Variants in CAPN3 observed in about 807,000 individuals in gnomAD.
The protein encoded by CAPN3 is calpain 3.
Under a neutral mutation model 114.0 loss-of-function variants are expected in CAPN3, and 88 were observed. The observed-to-expected ratio is 0.77, with a 90% CI of 0.65 to 0.92. The LOEUF (loss-of-function observed/expected upper bound fraction) is 0.92, where lower values mean the gene tolerates loss of function less well. Among genes scored for constraint, CAPN3 ranks in the 40% least tolerant of loss-of-function variants. CAPN3 has a pLI of 0.00. For missense variants in CAPN3, 1,028 were observed against 1,069.0 expected, an observed-to-expected ratio of 0.96 and a Z score of 0.53; for synonymous variants, 386 against 382.9, an observed-to-expected ratio of 1.01 and a Z score of -0.09.
intron 4 of CAPN3, among the ~76,000 whole-genome samples, chr15:42,388,455 A>G (rs2053461570): frequency 6.6e-6 from 1 of 152,122 alleles, no homozygotes; most frequent in Non-Finnish European, 1.5e-5. Flanking sequence ...ACATGCGGGC[A>G]TCACCATGCC....
Position 42,405,457 on chromosome 15 carries a change from C to T in CAPN3, c.1783-469C>T, listed in dbSNP as rs139708260. Among the ~76,000 whole-genome samples, 32 of 152,228 alleles carry T rather than the reference C, an allele frequency of 2.1e-4. No homozygotes were observed. In the East Asian group the frequency reaches 6.2e-3, roughly 29 times the overall value. The stretch of plus-strand genomic sequence containing the variant: ...TCCTGAGTAGCTGAGATTACAGGTG[C>T]CCACCATCACGCCTGGATAATTTTT... On this transcript the variant is annotated intron_variant, in intron 14 of 23. Coordinates refer to ENST00000397163, the MANE Select transcript of CAPN3 (RefSeq NM_000070.3).
At chr15:42,374,700 A>C (rs558272180) in intron 1 of CAPN3, among the ~76,000 whole-genome samples, 12 of 151,594 alleles carry the variant, frequency 7.9e-5, no homozygotes, top group African/African-American at 2.7e-4. Flanking sequence ...GTTATTTTCT[A>C]TTCCTGAGCT....
At chr15:42,397,487 CA>C (rs964869157) in intron 9 of CAPN3, among the ~76,000 whole-genome samples, 6 of 151,890 alleles carry the variant, frequency 4.0e-5, no homozygotes, top group African/African-American at 9.7e-5. Flanking sequence ...TAAAAATACA[CA>C]AAAAAAGTAG....
chr15:42,404,570 C>T (rs975032203), intron 14 of CAPN3, among the ~76,000 whole-genome samples: 1 of 152,232 alleles, frequency 6.6e-6, no homozygotes, highest in Non-Finnish European at 1.5e-5. Context: ...CGCACCTCCA[C>T]GCTGAGGCCA....
At chr15:42,380,751 A>ATTTTTTTT (rs59923448) in intron 1 of CAPN3, among the ~76,000 whole-genome samples, 5 of 64,484 alleles carry the variant, frequency 7.8e-5, no homozygotes, top group South Asian at 6.4e-4. Flanking sequence ...ATATATATAT[A>ATTTTTTTT]TTTTTTTTTT....
At chr15:42,405,881 T>A (rs986001512) in intron 14 of CAPN3, 45 bp from the exon 15 acceptor site, 9 of 1,562,578 alleles carry the variant, frequency 5.8e-6, no homozygotes, top group African/African-American at 1.4e-5. Flanking sequence ...TCTGAGAACT[T>A]ACTTTTCACT....
chr15:42,407,714 C>A (rs971561332), intron 15 of CAPN3, among the ~76,000 whole-genome samples: 4 of 152,180 alleles, frequency 2.6e-5, no homozygotes, highest in African/African-American at 9.7e-5. Flanking sequence ...GCCACTAATC[C>A]GTGTCCTTTT....
At chr15:42,365,483 G>C (rs1411265110) in intron 1 of CAPN3, among the ~76,000 whole-genome samples, 3 of 152,028 alleles carry the variant, frequency 2.0e-5, no homozygotes, top group Admixed American at 2.0e-4. Flanking sequence ...ATTTGCTGTT[G>C]GGAGTTGGGG....
At position 42,411,761 on chromosome 15, in the gene CAPN3, C is replaced by A; in HGVS notation, c.2454C>A (p.Thr818=). 6.2e-7 allele frequency: 1 copy of A among 1,605,354 alleles called. No homozygotes were observed. The highest frequency in any genetic ancestry group is 8.5e-7 in the Non-Finnish European group (1 of 1,173,528). ...KLNVLEWLQL[T]MYA is the part of the protein sequence containing the mutation. ...ACTTCTTTCAGTGGCTGCAGCTCAC[C>A]ATGTATGCCTGAACCAGGCTGGCCT... Residue 818 remains threonine (T), a synonymous_variant, in exon 24 of 24, where the codon ACC becomes ACA. Coordinates refer to ENST00000397163, the MANE Select transcript of CAPN3 (RefSeq NM_000070.3).
At chr15:42,408,458 CCTTTT>C in intron 16 of CAPN3, 134 bp downstream of exon 16, 1 of 674,408 alleles carries the variant, frequency 1.5e-6, no homozygotes, top group Non-Finnish European at 2.8e-6. Flanking sequence ...GTCCCACTGA[CCTTTT>C]CTTTCAGCAA....
intron 19 of CAPN3, 38 bp downstream of exon 19, chr15:42,410,033 C>T (rs1451098679): frequency 1.3e-6 from 2 of 1,593,910 alleles, no homozygotes; most frequent in Non-Finnish European, 1.7e-6. Context: ...CCTCTGTCAT[C>T]AGCCCACGGG....
chr15:42,373,236 T>C (rs556199094), intron 1 of CAPN3, among the ~76,000 whole-genome samples: 4 of 152,250 alleles, frequency 2.6e-5, no homozygotes, highest in African/African-American at 7.2e-5. Context: ...TTTTCAACTT[T>C]AGTGGACATA....
chr15:42,385,254 A>G (rs1402065170), intron 2 of CAPN3, among the ~76,000 whole-genome samples: 1 of 152,202 alleles, frequency 6.6e-6, no homozygotes, highest in Non-Finnish European at 1.5e-5. Context: ...ATTTCATTCC[A>G]GAAGGGGAGG....
chr15:42,385,638 A>C, intron 2 of CAPN3: 1 of 516,290 alleles, frequency 1.9e-6, no homozygotes, highest in Non-Finnish European at 3.9e-6. Flanking sequence ...AAACGTCCCG[A>C]GCTCATTCCG....
chr15:42,389,020 G>A lies in CAPN3; in HGVS notation c.725G>A (p.Arg242Lys), dbSNP rs146253209. 3.2e-5 allele frequency: 51 copies of A among 1,613,932 alleles called. No individual in the cohort carries two copies. The African/African-American group carries it at 6.3e-4, about 20-fold the overall frequency. ...TGGVAEFFEI[R>K]DAPSDMYKIM... ...GGGGTGGCAGAGTTTTTTGAGATCA[G>A]GGATGCTCCTAGTGACATGTACAAG... The change falls in exon 5 of 24, where the codon AGG (arginine) becomes AAG (lysine). Residue 242 changes from arginine to lysine, a missense_variant. By Grantham distance (26) the Arg-to-Lys change is conservative (BLOSUM62 2). Coordinates refer to ENST00000397163, the MANE Select transcript of CAPN3 (RefSeq NM_000070.3).
At position 42,369,712 on chromosome 15, in the gene CAPN3, A is replaced by G. The variant is rs1239430072; in HGVS notation, c.309+9598A>G. Reference sequence around the variant, plus strand: ...ACAAAATGTGCCACGCCCATCTTGTACATTTGTTGCCCCACAACTGGAATG... The same window carrying G: ...ACAAAATGTGCCACGCCCATCTTGTGCATTTGTTGCCCCACAACTGGAATG... On this transcript the variant is annotated intron_variant, in intron 1 of 23. Coordinates refer to ENST00000397163, the MANE Select transcript of CAPN3 (RefSeq NM_000070.3). Among the ~76,000 whole-genome samples, 4 of 152,112 alleles carry G rather than the reference A, an allele frequency of 2.6e-5. No homozygotes were observed. In the East Asian group the frequency reaches 7.7e-4, roughly 29 times the overall value.
intron 6 of CAPN3, 48 bp downstream of exon 6, chr15:42,390,144 T>C (rs750271830): frequency 2.5e-6 from 4 of 1,609,962 alleles, no homozygotes; most frequent in Middle Eastern, 1.7e-4. Flanking sequence ...CCAACCCACA[T>C]GACCCCGCCC....
At chr15:42,392,791 C>A in intron 7 of CAPN3, 69 bp downstream of exon 7, 1 of 1,332,274 alleles carries the variant, frequency 7.5e-7, no homozygotes, top group Non-Finnish European at 1.1e-6. Flanking sequence ...CAGGACTTAG[C>A]TGTTGGGGCC....
intron 1 of CAPN3, among the ~76,000 whole-genome samples, chr15:42,372,976 G>A (rs2052992712): frequency 6.6e-6 from 1 of 152,022 alleles, no homozygotes; most frequent in Non-Finnish European, 1.5e-5. Context: ...ATCACCTGAG[G>A]TCAGGAGTTC....
Sources: allele counts gnomAD v4.1 joint callset (sites outside exome capture counted in the v4.1 genomes callset), GRCh38; gene constraint gnomAD v4.1.1; transcripts MANE v1.5; gene names NCBI Gene and HGNC (gene_info 2026-07-23, HGNC 2026-07-21).